Variants in DLGAP1 observed in about 807,000 individuals in gnomAD.
DLGAP1 encodes DLG associated protein 1.
In DLGAP1, 11 loss-of-function variants were observed where a neutral mutation model predicts 90.8. The ratio of observed to expected loss-of-function variants is 0.12; its 90% CI spans 0.08 to 0.20. DLGAP1 has a LOEUF of 0.20. Among genes scored for constraint, DLGAP1 ranks in the 10% least tolerant of loss-of-function variants. The probability of loss-of-function intolerance (pLI) is 1.00; values close to 1 mark genes in which losing one functional copy is unlikely to be tolerated. For synonymous variants in DLGAP1, 558 were observed against 540.7 expected, an observed-to-expected ratio of 1.03 and a Z score of -0.44; for missense variants, 1,050 against 1,333.8, an observed-to-expected ratio of 0.79 and a Z score of 3.31.
At chr18:3,773,633 T>A (rs2064802476) in intron 5 of DLGAP1, among the ~76,000 whole-genome samples, 1 of 152,194 alleles carries the variant, frequency 6.6e-6, no homozygotes, top group South Asian at 2.1e-4. Context: ...TACCTAACAA[T>A]AGTGTTCATA....
intron 7 of DLGAP1, among the ~76,000 whole-genome samples, chr18:3,693,935 G>T (rs1283533283): frequency 6.6e-6 from 1 of 152,042 alleles, no homozygotes; most frequent in South Asian, 2.1e-4. Flanking sequence ...GAACGTGCAG[G>T]TTTGTTACAT....
chr18:4,154,226 A>ATTTTT (rs555943126), intron 1 of DLGAP1, among the ~76,000 whole-genome samples: 1 of 130,430 alleles, frequency 7.7e-6, no homozygotes, highest in South Asian at 2.4e-4. Context: ...ACACCCGGCT[A>ATTTTT]TTTTTTTTTT....
intron 1 of DLGAP1, among the ~76,000 whole-genome samples, chr18:4,332,782 A>AT (rs2080979174): frequency 6.6e-6 from 1 of 151,958 alleles, no homozygotes; most frequent in Non-Finnish European, 1.5e-5. Context: ...TCAAAGTGTG[A>AT]TTTTACATTT....
chr18:3,851,542 T>A (rs951395539), intron 4 of DLGAP1, among the ~76,000 whole-genome samples: 1 of 152,150 alleles, frequency 6.6e-6, no homozygotes, highest in Non-Finnish European at 1.5e-5. Context: ...CTAGGAAAAT[T>A]CAACTCATTC....
At chr18:3,596,053 A>G (rs2056556688) in intron 7 of DLGAP1, among the ~76,000 whole-genome samples, 1 of 152,228 alleles carries the variant, frequency 6.6e-6, no homozygotes, top group African/African-American at 2.4e-5. Flanking sequence ...CTGTTTGGGC[A>G]GCTGGTCTAG....
intron 1 of DLGAP1, among the ~76,000 whole-genome samples, chr18:4,228,147 T>A (rs1209035593): frequency 6.6e-6 from 1 of 151,230 alleles, no homozygotes; most frequent in Non-Finnish European, 1.5e-5. Flanking sequence ...CTACCAAGAT[T>A]GAGCCACGAA....
At chr18:4,103,467 A>G (rs2075811825) in intron 2 of DLGAP1, among the ~76,000 whole-genome samples, 1 of 152,214 alleles carries the variant, frequency 6.6e-6, no homozygotes. Flanking sequence ...GTAGTGTACA[A>G]GAAAAACCAT....
chr18:4,349,774 T>C (rs529893933), intron 1 of DLGAP1, among the ~76,000 whole-genome samples: 1 of 152,022 alleles, frequency 6.6e-6, no homozygotes, highest in South Asian at 2.1e-4. Context: ...CTTCTGGGGG[T>C]GTTAATCAGG....
In DLGAP1 at chr18:3,561,394, C is replaced by T. The variant is rs1336986440; in HGVS notation, c.2057+6096G>A. Among the ~76,000 whole-genome samples the T allele has an allele frequency of 7.2e-5, 10 of 139,712 alleles. No individual in the cohort carries two copies. In the East Asian group the frequency reaches 2.0e-3, roughly 28 times the overall value. The allele number at this position is 139,712 out of a possible 152,430, so 91.7% of individuals were successfully genotyped here. A position where few individuals can be genotyped will look rare whatever the true frequency, so the allele number is the denominator to read the frequency against. ...GAGGTTGCAGTGAGCCAAGATCCTG[C>T]CACTATACTCCTTCCTGGGCGACAG... On this transcript the variant is annotated intron_variant, in intron 9 of 12. Transcript: ENST00000315677.
intron 7 of DLGAP1, among the ~76,000 whole-genome samples, chr18:3,613,700 C>A (rs2057732225): frequency 6.6e-6 from 1 of 152,128 alleles, no homozygotes; most frequent in African/African-American, 2.4e-5. Flanking sequence ...ACAATTAACG[C>A]CCAGATGAGT....
At chr18:3,798,607 C>CG (rs1000368900) in intron 5 of DLGAP1, among the ~76,000 whole-genome samples, 4 of 152,034 alleles carry the variant, frequency 2.6e-5, no homozygotes, top group Non-Finnish European at 5.9e-5. Flanking sequence ...GGTCTCTGAG[C>CG]GTATCTGTTT....
intron 1 of DLGAP1, among the ~76,000 whole-genome samples, chr18:4,239,385 A>G (rs112565493): frequency 2.5e-4 from 38 of 152,314 alleles, no homozygotes; most frequent in African/African-American, 8.9e-4. Context: ...CTGAAGAAAG[A>G]AGAAAATCTT....
chr18:4,005,821 T>C (rs980036789), intron 2 of DLGAP1, among the ~76,000 whole-genome samples: 2 of 152,224 alleles, frequency 1.3e-5, no homozygotes, highest in African/African-American at 4.8e-5. Flanking sequence ...CTTCCAGTAG[T>C]TCTCAACCTT....
intron 1 of DLGAP1, among the ~76,000 whole-genome samples, chr18:4,162,561 C>T (rs1017061147): frequency 2.0e-5 from 3 of 152,088 alleles, no homozygotes; most frequent in African/African-American, 7.2e-5. Context: ...AAAAATTCCA[C>T]CTAAATTTTC....
chr18:4,349,673 C>T (rs1294657933), intron 1 of DLGAP1, among the ~76,000 whole-genome samples: 1 of 151,590 alleles, frequency 6.6e-6, no homozygotes, highest in Admixed American at 6.6e-5. Flanking sequence ...GGAAGAAAAT[C>T]AAAATAGGGC....
intron 7 of DLGAP1, among the ~76,000 whole-genome samples, chr18:3,674,316 T>C (rs1325475176): frequency 6.8e-6 from 1 of 146,528 alleles, no homozygotes; most frequent in Non-Finnish European, 1.5e-5. Context: ...TATATATGTA[T>C]ATTTTAAAAA....
At chr18:3,884,022 A>G (rs557466995) in intron 3 of DLGAP1, among the ~76,000 whole-genome samples, 1 of 152,296 alleles carries the variant, frequency 6.6e-6, no homozygotes, top group East Asian at 1.9e-4. Context: ...GGAATTCAGG[A>G]CTTATGATAC....
At chr18:3,973,346 A>G (rs1382857973) in intron 3 of DLGAP1, among the ~76,000 whole-genome samples, 1 of 150,278 alleles carries the variant, frequency 6.7e-6, no homozygotes, top group Non-Finnish European at 1.5e-5. Flanking sequence ...TGTAAGATTT[A>G]TCTGGAGCCA....
intron 7 of DLGAP1, among the ~76,000 whole-genome samples, chr18:3,698,553 C>T (rs1290102931): frequency 6.6e-6 from 1 of 150,894 alleles, no homozygotes; most frequent in African/African-American, 2.5e-5. Context: ...GCAGAGAGAT[C>T]TGCTGTTAGT....
Sources: gnomAD v4.1 joint callset for allele counts (sites outside exome capture counted in the v4.1 genomes callset) on GRCh38, gnomAD v4.1.1 for gene constraint, MANE v1.5 for transcripts, NCBI Gene and HGNC (gene_info 2026-07-23, HGNC 2026-07-21) for gene names.